EVC2: variants seen among roughly 807,000 people sequenced by gnomAD.
EVC2 encodes the protein EvC ciliary complex subunit 2, also known as limbin.
A neutral mutation model predicts 149.3 loss-of-function variants in EVC2; 148 were observed. That is an observed-to-expected ratio of 0.99 (90% CI 0.87 to 1.14). The LOEUF (loss-of-function observed/expected upper bound fraction) is 1.14, where lower values mean the gene tolerates loss of function less well. EVC2 is among the 50% of genes most tolerant of loss of function. The pLI is 0.00. For synonymous variants in EVC2, 776 were observed against 649.9 expected (o/e 1.19, Z -2.95); for missense variants, 1,854 against 1,627.3 (o/e 1.14, Z -2.40).
chr4:5,576,494 A>C lies in EVC2; in HGVS notation c.3058-40T>G. The C allele has an allele frequency of 6.5e-7, 1 of 1,548,790 alleles. No homozygotes were observed. The highest frequency in any genetic ancestry group is 8.7e-7 in the Non-Finnish European group (1 of 1,150,708). ...GGCAGAGGGTAAGCACCACTGCACA[A>C]GGCGGGTGGGGTGGAGGACAAAATC... On this transcript the variant is annotated intron_variant, in intron 17 of 21. Coordinates refer to ENST00000344408, the MANE Select transcript of EVC2 (RefSeq NM_147127.5). This position sits in a 1 kb window ranked among gnomAD's most constrained non-coding sequence, Gnocchi z 4.5.
intron 15 of EVC2, 23 bp from the exon 16 acceptor site, chr4:5,615,567 G>A (rs368553111): frequency 8.3e-5 from 134 of 1,614,116 alleles, no homozygotes; most frequent in East Asian, 3.8e-4. Context: ...TGGGGAAGAC[G>A]TGGGTAAGAA....
rs76595482 is a variant in EVC2 at position 5,568,836 on chromosome 4, C to T, written c.3361-196G>A. On this transcript the variant is annotated intron_variant, in intron 19 of 21. Transcript: ENST00000344408. ...GGTCAGCAACCTTGGCTCCCCAGGA[C>T]GCTTCTAAAGCCTCCATCCATCCCG... is the stretch of plus-strand genomic sequence containing the variant. Among the ~76,000 whole-genome samples the T allele has an allele frequency of 8.6e-3, 1,305 of 152,304 alleles. 14 individuals carry two copies. The highest frequency in any genetic ancestry group is 0.03 in the African/African-American group (1,240 of 41,560).
chr4:5,701,629 T>A (rs73795006), intron 1 of EVC2, among the ~76,000 whole-genome samples: 19,528 of 152,180 alleles, frequency 0.13, 1,361 homozygotes, highest in South Asian at 0.2. Context: ...GGCCCTCAGA[T>A]GTTAAAGGTC....
chr4:5,583,350 G>A (rs1711971089), intron 17 of EVC2, among the ~76,000 whole-genome samples: 1 of 152,162 alleles, frequency 6.6e-6, no homozygotes, highest in African/African-American at 2.4e-5. Context: ...TGGTGTTAAA[G>A]TTATCTAGCA....
rs1270735286 is a variant in EVC2 at position 5,695,305 on chromosome 4, G to A, written c.284-804C>T. 2.0e-5 allele frequency among the ~76,000 whole-genome samples: 3 copies of A among 150,364 alleles called. No individual in the cohort carries two copies. The Admixed American group carries it at 2.0e-4, about 10-fold the overall frequency. On this transcript the variant is annotated intron_variant, in intron 2 of 21. Transcript: ENST00000344408. ...GGAGGTTGCAGTGAGCCGAGATCAT[G>A]CCACTGCACTCCAGTCTGGGCGACA...
At chr4:5,694,636 G>A in intron 2 of EVC2, 135 bp from the exon 3 acceptor site, 1 of 923,684 alleles carries the variant, frequency 1.1e-6, no homozygotes, top group Non-Finnish European at 1.7e-6. Context: ...GTTAATGAAG[G>A]AATGAATGAT....
chr4:5,617,983 A>T (rs995236210), intron 15 of EVC2, among the ~76,000 whole-genome samples: 1 of 152,210 alleles, frequency 6.6e-6, no homozygotes, highest in African/African-American at 2.4e-5. Flanking sequence ...CCTCGGGCAC[A>T]TAATAGCTGC....
intron 19 of EVC2, among the ~76,000 whole-genome samples, chr4:5,573,438 G>C (rs1272038311): frequency 6.6e-6 from 1 of 152,172 alleles, no homozygotes; most frequent in Admixed American, 6.5e-5. Flanking sequence ...GATGAAGAAA[G>C]GAGGCCATGA....
chr4:5,567,816 A>C lies in EVC2; in HGVS notation c.3557+628T>G, dbSNP rs1425153756. Among the ~76,000 whole-genome samples, 1 of 152,136 alleles carries C rather than the reference A, an allele frequency of 6.6e-6. No individual in the cohort carries two copies. The highest frequency in any genetic ancestry group is 1.5e-5 in the Non-Finnish European group (1 of 68,024). Reference sequence around the variant, plus strand: ...TGAGGAGCCAGTAAAAATAATATCCACCTGTGCCACGTGTCAATAACATTG... The same window carrying C: ...TGAGGAGCCAGTAAAAATAATATCCCCCTGTGCCACGTGTCAATAACATTG... On this transcript the variant is annotated intron_variant, in intron 20 of 21. Coordinates refer to ENST00000344408, the MANE Select transcript of EVC2 (RefSeq NM_147127.5). This position sits in a 1 kb window ranked among gnomAD's most constrained non-coding sequence, Gnocchi z 4.4.
In EVC2 at chr4:5,625,017, T is replaced by C. The variant is rs1716001260; in HGVS notation, c.2046+732A>G. On this transcript the variant is annotated intron_variant, in intron 13 of 21. Coordinates refer to ENST00000344408, the MANE Select transcript of EVC2 (RefSeq NM_147127.5). This position sits in a 1 kb window ranked among gnomAD's most constrained non-coding sequence, Gnocchi z 4.0. Reference sequence around the variant, plus strand: ...CCCGGCCAAGTACCAGAGCCTCCCATGGGGTTTGTATTCCCAGGTTCCTCA... The same window carrying C: ...CCCGGCCAAGTACCAGAGCCTCCCACGGGGTTTGTATTCCCAGGTTCCTCA... Among the ~76,000 whole-genome samples the C allele has an allele frequency of 6.6e-6, 1 of 152,086 alleles. No homozygotes were observed.
At chr4:5,558,265 A>T (rs574760610), downstream of EVC2, among the ~76,000 whole-genome samples, 34 of 152,332 alleles carry the variant, frequency 2.2e-4, no homozygotes, top group Non-Finnish European at 4.1e-4. Context: ...ACACAAATAT[A>T]GTTAACTGAC....
intron 19 of EVC2, among the ~76,000 whole-genome samples, chr4:5,572,114 T>A (rs906933597): frequency 2.0e-5 from 3 of 152,184 alleles, no homozygotes; most frequent in Non-Finnish European, 4.4e-5. Context: ...AGGACTCTTA[T>A]TAATACACAG....
chr4:5,660,016 A>G (rs1163257995), intron 9 of EVC2, among the ~76,000 whole-genome samples: 1 of 152,232 alleles, frequency 6.6e-6, no homozygotes, highest in Non-Finnish European at 1.5e-5. Flanking sequence ...ACTTAATATA[A>G]TAAGTGACAT....
intron 16 of EVC2, among the ~76,000 whole-genome samples, chr4:5,593,717 C>T (rs938608212): frequency 2.0e-4 from 30 of 152,158 alleles, no homozygotes; most frequent in South Asian, 4.2e-4. Flanking sequence ...AGACACTGGG[C>T]GCAGGACAGT....
At chr4:5,605,621 T>A (rs1391084763) in intron 16 of EVC2, among the ~76,000 whole-genome samples, 1 of 152,174 alleles carries the variant, frequency 6.6e-6, no homozygotes, top group East Asian at 1.9e-4. Context: ...ATCGCTCAGA[T>A]GTTGAAGCAA....
chr4:5,594,687 C>G (rs539473434), intron 16 of EVC2, among the ~76,000 whole-genome samples: 1 of 152,204 alleles, frequency 6.6e-6, no homozygotes, highest in Non-Finnish European at 1.5e-5. Flanking sequence ...AGGAACGCAG[C>G]TCCTCACCAG....
rs991116769 is a variant in EVC2, at chr4:5,622,384, G to A, written c.2501+153C>T. ...CGTGACATTCGAGGTCCTCCCCCCG[G>A]GGCGTTGAGTTTATATGACTAATTA... On this transcript the variant is annotated intron_variant, in intron 14 of 21. Transcript: ENST00000344408. The surrounding 1 kb of genome is among the most constrained non-coding windows in gnomAD (Gnocchi z 5.8). Among the ~76,000 whole-genome samples, 3 of 151,926 alleles carry A rather than the reference G, an allele frequency of 2.0e-5. No homozygotes were observed. Among genetic ancestry groups the A allele is most frequent in the East Asian group, 3.9e-4 (2 of 5,144 alleles).
At position 5,637,050 on chromosome 4, in the gene EVC2, T is replaced by C. The variant is rs1577189910; in HGVS notation, c.1470+3464A>G. 6.6e-6 allele frequency among the ~76,000 whole-genome samples: 1 copy of C among 151,816 alleles called. No individual in the cohort carries two copies. The highest frequency in any genetic ancestry group is 2.1e-4 in the South Asian group (1 of 4,794). ...GCCCAATACACGCTGGCTTGCAAGG[T>C]GGTGTGGGTGGGAGAGACAGGCTGC... On this transcript the variant is annotated intron_variant, in intron 10 of 21. Coordinates refer to ENST00000344408, the MANE Select transcript of EVC2 (RefSeq NM_147127.5). This position sits in a 1 kb window ranked among gnomAD's most constrained non-coding sequence, Gnocchi z 4.4.
In EVC2 at chr4:5,615,500, C is replaced by G. The variant is rs763611499; in HGVS notation, c.2751G>C (p.Lys917Asn). 1 of 1,614,224 alleles carries G rather than the reference C, an allele frequency of 6.2e-7. No homozygotes were observed. The highest frequency in any genetic ancestry group is 1.1e-5 in the South Asian group (1 of 91,086). Residue 917 changes from lysine to asparagine, a missense_variant, in exon 16 of 22, where the codon AAG becomes AAC. Lys to Asn is a moderately conservative substitution (Grantham distance 94). Transcript: ENST00000344408. Reference protein sequence around the residue: ...VRKSRSKSKSKGELLKKCIED... With the variant: ...VRKSRSKSKSNGELLKKCIED... ...CGATGCACTTCTTCAGAAGCTCTCC[C>G]TTGCTTTTACTCTTGGACCGTGACT...
Sources: allele counts gnomAD v4.1 joint callset (sites outside exome capture counted in the v4.1 genomes callset), GRCh38; gene constraint gnomAD v4.1.1; non-coding constraint Gnocchi (gnomAD v3.1); transcripts MANE v1.5; gene names NCBI Gene and HGNC (gene_info 2026-07-23, HGNC 2026-07-21).